Variants in GAA observed in about 807,000 individuals in gnomAD.
GAA encodes the protein lysosomal alpha-glucosidase.
In GAA, 88 loss-of-function variants were observed where a neutral mutation model predicts 103.9. The observed-to-expected ratio is 0.85, with a 90% CI of 0.71 to 1.01. GAA has a LOEUF of 1.01. Ranked by LOEUF, GAA falls within the 50% of genes least tolerant of loss-of-function variation. The probability of loss-of-function intolerance (pLI) is 0.00; values close to 1 mark genes in which losing one functional copy is unlikely to be tolerated. For synonymous variants in GAA, 572 were observed against 563.1 expected, an observed-to-expected ratio of 1.02 and a Z score of -0.22; for missense variants, 1,350 against 1,305.3, an observed-to-expected ratio of 1.03 and a Z score of -0.53.
chr17:80,108,267 C>A, intron 5 of GAA, 23 bp from the exon 6 acceptor site: 1 of 1,613,448 alleles, frequency 6.2e-7, no homozygotes, highest in Non-Finnish European at 8.5e-7. Context: ...TGTCCCCCAA[C>A]CCCAGAGCTG....
rs746632620 is a variant in GAA, at chr17:80,104,584, A to T, written c.-3A>T. On this transcript the variant is annotated 5_prime_UTR_variant, in exon 2 of 20. Transcript: ENST00000302262. The surrounding 1 kb of genome is among the most constrained non-coding windows in gnomAD (Gnocchi z 4.0). ...GTAGGAGCTGTCCAGGCCATCTCCAACCATGGGAGTGAGGCACCCGCCCTG... is the reference window on the plus strand; with the variant it reads ...GTAGGAGCTGTCCAGGCCATCTCCATCCATGGGAGTGAGGCACCCGCCCTG... 1.2e-6 allele frequency: 2 copies of T among 1,609,216 alleles called. No individual in the cohort carries two copies. Among genetic ancestry groups the T allele is most frequent in the East Asian group, 4.5e-5 (2 of 44,838 alleles).
intron 12 of GAA, 173 bp downstream of exon 12, chr17:80,112,273 G>A (rs1222920081): frequency 1.4e-6 from 1 of 706,756 alleles, no homozygotes; most frequent in Non-Finnish European, 2.4e-6. Context: ...TGAAGCTGGA[G>A]CGCTCCTTCC....
Position 80,112,977 on chromosome 17 carries a change from C to T in GAA, c.1990C>T (p.Leu664=). ...GGAGCTGTGTGTGCGCTGGACCCAG[C>T]TGGGGGCCTTCTACCCCTTCATGCG... ...SEELCVRWTQ[L]GAFYPFMRNH... is the part of the protein sequence containing the mutation. Residue 664 remains leucine (L), a synonymous_variant, in exon 14 of 20, where the codon CTG becomes TTG. Transcript: ENST00000302262. 1.2e-6 allele frequency: 2 copies of T among 1,610,838 alleles called. No homozygotes were observed. Among genetic ancestry groups the T allele is most frequent in the East Asian group, 2.2e-5 (1 of 44,826 alleles).
rs577361967 is a variant in GAA at position 80,117,769 on chromosome 17, A to G, written c.2481+20A>G. 3.8e-6 allele frequency: 6 copies of G among 1,598,106 alleles called. No homozygotes were observed. The highest frequency in any genetic ancestry group is 2.7e-5 in the African/African-American group (2 of 74,924). On this transcript the variant is annotated intron_variant, in intron 17 of 19. Coordinates refer to ENST00000302262, the MANE Select transcript of GAA (RefSeq NM_000152.5). ...CTGCAGGTACCTGGGCCAGGCGGCTATGGTGGGGGTGTGGACAGCACACTG... is the reference window on the plus strand; with the variant it reads ...CTGCAGGTACCTGGGCCAGGCGGCTGTGGTGGGGGTGTGGACAGCACACTG...
intron 18 of GAA, 96 bp downstream of exon 18, chr17:80,118,453 C>A: frequency 6.7e-7 from 1 of 1,488,220 alleles, no homozygotes; most frequent in Non-Finnish European, 9.2e-7. Context: ...CGATGGCTAC[C>A]TGCCACTAGG....
At chr17:80,109,596 C>A (rs141121112) in intron 8 of GAA, among the ~76,000 whole-genome samples, 1 of 151,522 alleles carries the variant, frequency 6.6e-6, no homozygotes, top group Non-Finnish European at 1.5e-5. Context: ...ACAGTAGTAG[C>A]CCTTAAGAGC....
chr17:80,103,651 C>T (rs1212122101), intron 1 of GAA, among the ~76,000 whole-genome samples: 1 of 152,144 alleles, frequency 6.6e-6, no homozygotes. Flanking sequence ...CATCTGCACG[C>T]GACATCCTTG....
chr17:80,119,456 C>A lies in GAA; in HGVS notation c.*125C>A. The A allele has an allele frequency of 1.2e-6, 1 of 815,800 alleles. No individual in the cohort carries two copies. The highest frequency in any genetic ancestry group is 1.4e-5 in the South Asian group (1 of 71,964). 50.5% of individuals were successfully genotyped at this position (815,800 alleles called of 1,614,324 possible). ...GTGTCACCTGGAGCTGGGCACTAAC[C>A]ATTCCAAGCCGCCGCATCGCTTGTT... On this transcript the variant is annotated 3_prime_UTR_variant, in exon 20 of 20. Coordinates refer to ENST00000302262, the MANE Select transcript of GAA (RefSeq NM_000152.5).
chr17:80,106,550 G>A (rs1157661057), intron 3 of GAA, among the ~76,000 whole-genome samples: 4 of 152,170 alleles, frequency 2.6e-5, no homozygotes, highest in Non-Finnish European at 1.5e-5. Context: ...GAAACCAGCT[G>A]TGCAGATGCA....
chr17:80,118,894 A>G, intron 19 of GAA, 89 bp downstream of exon 19: 2 of 1,486,872 alleles, frequency 1.3e-6, no homozygotes, highest in East Asian at 2.4e-5. Flanking sequence ...GACCGATGCC[A>G]GGAACAGAGG....
At chr17:80,107,129 T>G (rs1420499464) in intron 3 of GAA, among the ~76,000 whole-genome samples, 1 of 152,124 alleles carries the variant, frequency 6.6e-6, no homozygotes, top group Non-Finnish European at 1.5e-5. Context: ...CCAGCAAACC[T>G]CAGGGGTCCT....
At chr17:80,117,326 T>C (rs2039377446) in intron 16 of GAA, among the ~76,000 whole-genome samples, 1 of 152,226 alleles carries the variant, frequency 6.6e-6, no homozygotes, top group Non-Finnish European at 1.5e-5. Flanking sequence ...TGAGGCCTGC[T>C]TGCAGAACCT....
At chr17:80,108,038 C>T in intron 5 of GAA, 142 bp downstream of exon 5, 7 of 1,030,308 alleles carry the variant, frequency 6.8e-6, no homozygotes, top group Non-Finnish European at 1.0e-5. Flanking sequence ...GCTGATGCCT[C>T]TCCCAACTCT....
In GAA at chr17:80,110,973, C is replaced by A; in HGVS notation, c.1584C>A (p.Gly528=). Residue 528 remains glycine, a synonymous_variant, in exon 11 of 20, where the codon GGC becomes GGA. Coordinates refer to ENST00000302262, the MANE Select transcript of GAA (RefSeq NM_000152.5). The part of the protein sequence containing the change: ...DMNEPSNFIR[G]SEDGCPNNEL... ...ACGAGCCTTCCAACTTCATCAGGGG[C>A]TCTGAGGACGGCTGCCCCAACAATG... 6.2e-7 allele frequency: 1 copy of A among 1,613,904 alleles called. No homozygotes were observed. The highest frequency in any genetic ancestry group is 8.5e-7 in the Non-Finnish European group (1 of 1,179,974).
chr17:80,110,039 A>G lies in GAA; in HGVS notation c.1421A>G (p.Gln474Arg). 1 of 1,613,224 alleles carries G rather than the reference A, an allele frequency of 6.2e-7. No homozygotes were observed. The highest frequency in any genetic ancestry group is 8.5e-7 in the Non-Finnish European group (1 of 1,179,870). The change falls in exon 9 of 20, where the codon CAG becomes CGG. Residue 474 changes from glutamine to arginine, a missense_variant. Gln to Arg is a conservative substitution (Grantham distance 43, BLOSUM62 1). Transcript: ENST00000302262. ...GTTTTCATCACCAACGAGACCGGCC[A>G]GCCGCTGATTGGGAAGGTAGGGCGA... Reference protein sequence around the residue: ...RGVFITNETGQPLIGKVWPGS... With the variant: ...RGVFITNETGRPLIGKVWPGS...
intron 15 of GAA, 89 bp downstream of exon 15, chr17:80,113,455 T>C: frequency 7.9e-7 from 1 of 1,273,530 alleles, no homozygotes; most frequent in Non-Finnish European, 1.1e-6. Context: ...CTGTGGGCTG[T>C]GTTCCCCAGG....
intron 1 of GAA, chr17:80,102,851 A>G (rs1315279536): frequency 6.6e-6 from 1 of 152,268 alleles, no homozygotes; most frequent in African/African-American, 2.4e-5. Context: ...TCTGAAGTGA[A>G]GGCAGTGTTG....
At chr17:80,105,687 G>C in intron 2 of GAA, 62 bp from the exon 3 acceptor site, 7 of 1,593,186 alleles carry the variant, frequency 4.4e-6, no homozygotes, top group Non-Finnish European at 6.0e-6. Context: ...CTTGGCGTGC[G>C]GGTTGTTCTC....
chr17:80,117,587 C>T lies in GAA; in HGVS notation c.2332-13C>T. The T allele has an allele frequency of 1.2e-6, 2 of 1,612,876 alleles. No individual in the cohort carries two copies. Among genetic ancestry groups the T allele is most frequent in the Non-Finnish European group, 1.7e-6 (2 of 1,179,918 alleles). On this transcript the variant is annotated splice_polypyrimidine_tract_variant and intron_variant, in intron 16 of 19. Coordinates refer to ENST00000302262, the MANE Select transcript of GAA (RefSeq NM_000152.5). The stretch of plus-strand genomic sequence containing the variant: ...GCACGGCCCAGAATCCTCAAAGCAA[C>T]ATCTCCCTCCAGGTGCCAGTAGAGG...
Sources: gnomAD v4.1 joint callset for allele counts (sites outside exome capture counted in the v4.1 genomes callset) on GRCh38, gnomAD v4.1.1 for gene constraint, Gnocchi (gnomAD v3.1) non-coding constraint, MANE v1.5 for transcripts, NCBI Gene and HGNC (gene_info 2026-07-23, HGNC 2026-07-21) for gene names.